PAG1: variants seen among roughly 807,000 people sequenced by gnomAD.
PAG1 encodes the protein phosphoprotein membrane anchor with glycosphingolipid microdomains 1.
Under a neutral mutation model 31.7 loss-of-function variants are expected in PAG1, and 23 were observed. The observed-to-expected ratio is 0.73, with a 90% CI of 0.52 to 1.03. The LOEUF (loss-of-function observed/expected upper bound fraction) is 1.03, where lower values mean the gene tolerates loss of function less well. Ranked by LOEUF, PAG1 falls within the 50% of genes least tolerant of loss-of-function variation. The probability of loss-of-function intolerance (pLI) is 0.00; values close to 1 mark genes in which losing one functional copy is unlikely to be tolerated. For missense variants in PAG1, 473 were observed against 540.7 expected (o/e 0.87, Z 1.24); for synonymous variants, 214 against 210.3 (o/e 1.02, Z -0.15).
chr8:81,067,535 T>C (rs547768318), intron 2 of PAG1: 1 of 152,360 alleles, frequency 6.6e-6, no homozygotes, highest in East Asian at 1.9e-4. Context: ...GCTATTAAAA[T>C]TGACTGATTT....
Position 80,976,376 on chromosome 8 carries a change from C to G in PAG1, c.*168G>C, listed in dbSNP as rs1014925361. 1 of 675,350 alleles carries G rather than the reference C, an allele frequency of 1.5e-6. No homozygotes were observed. Among genetic ancestry groups the G allele is most frequent in the Non-Finnish European group, 2.5e-6 (1 of 407,212 alleles). The allele number at this position is 675,350 out of a possible 1,614,324, so 41.8% of individuals were successfully genotyped here. A position where few individuals can be genotyped will look rare whatever the true frequency, so the allele number is the denominator to read the frequency against. On this transcript the variant is annotated 3_prime_UTR_variant, in exon 9 of 9. Coordinates refer to ENST00000220597, the MANE Select transcript of PAG1 (RefSeq NM_018440.4). ...CAGGTGCAGCCTAGTCCGTACCTCT[C>G]TGTCTCAGAAACTGAACAACTGGGA... is the stretch of plus-strand genomic sequence containing the variant.
intron 8 of PAG1, among the ~76,000 whole-genome samples, chr8:80,979,362 C>T (rs574737385): frequency 3.3e-5 from 5 of 152,068 alleles, no homozygotes; most frequent in African/African-American, 4.8e-5. Flanking sequence ...TAGGGAGGGG[C>T]GGCCGCAGTG....
chr8:81,002,249 A>G (rs1253370455), intron 3 of PAG1, among the ~76,000 whole-genome samples: 2 of 152,206 alleles, frequency 1.3e-5, no homozygotes, highest in African/African-American at 4.8e-5. Context: ...AAAAAAAAAT[A>G]AACTTCAGTT....
intron 3 of PAG1, among the ~76,000 whole-genome samples, chr8:81,007,109 G>A (rs1022982201): frequency 9.2e-5 from 14 of 152,082 alleles, no homozygotes; most frequent in Non-Finnish European, 1.9e-4. Context: ...TATTTTAAAG[G>A]CATTCAACAG....
At chr8:81,044,775 G>C (rs1440276182) in intron 2 of PAG1, among the ~76,000 whole-genome samples, 1 of 152,054 alleles carries the variant, frequency 6.6e-6, no homozygotes, top group Non-Finnish European at 1.5e-5. Flanking sequence ...AAGGCTCTAG[G>C]ATGTTTCCTA....
At chr8:81,100,910 A>C (rs904882625) in intron 1 of PAG1, among the ~76,000 whole-genome samples, 8 of 152,374 alleles carry the variant, frequency 5.3e-5, no homozygotes, top group African/African-American at 1.9e-4. Flanking sequence ...GCCTGTGGCT[A>C]TAAAACAGGC....
Position 81,010,336 on chromosome 8 carries a change from T to C in PAG1, c.-80-17029A>G, listed in dbSNP as rs575852716. ...AACATAAAGACTCAGATTTAGAAGA[T>C]AGGGATTTTGAGCCACACTTTTTTT... On this transcript the variant is annotated intron_variant, in intron 3 of 8. Transcript: ENST00000220597. Among the ~76,000 whole-genome samples, 7 of 152,350 alleles carry C rather than the reference T, an allele frequency of 4.6e-5. No individual in the cohort carries two copies. The South Asian group carries it at 1.0e-3, about 23-fold the overall frequency.
chr8:80,969,564 AG>A lies in PAG1; in HGVS notation c.*6979del, dbSNP rs1311519994. On this transcript the variant is annotated 3_prime_UTR_variant, in exon 9 of 9. Transcript: ENST00000220597. ...CCAAACCAGGACATGACAACAAGAT[AG>A]TTCTGAACTGTAGGCTCTAGGGAGC... is the stretch of plus-strand genomic sequence containing the variant. The A allele has an allele frequency of 1.3e-5, 2 of 152,220 alleles. No homozygotes were observed. The highest frequency in any genetic ancestry group is 4.8e-5 in the African/African-American group (2 of 41,458). 9.4% of individuals were successfully genotyped at this position (152,220 alleles called of 1,614,324 possible).
chr8:81,085,367 G>T (rs1006036697), intron 1 of PAG1, among the ~76,000 whole-genome samples: 1 of 152,104 alleles, frequency 6.6e-6, no homozygotes, highest in Non-Finnish European at 1.5e-5. Context: ...CCAGCAAAAA[G>T]CACCCTAGAA....
intron 5 of PAG1, among the ~76,000 whole-genome samples, chr8:80,988,000 A>G (rs1807461729): frequency 6.6e-6 from 1 of 152,228 alleles, no homozygotes; most frequent in African/African-American, 2.4e-5. Flanking sequence ...CAATAGCCAC[A>G]TGTGGCCAGT....
At chr8:81,035,710 T>G (rs2130810754) in intron 2 of PAG1, among the ~76,000 whole-genome samples, 1 of 152,150 alleles carries the variant, frequency 6.6e-6, no homozygotes, top group South Asian at 2.1e-4. Context: ...TTCTGGATGT[T>G]CTCTTCTAAA....
rs553428324 is a variant in PAG1, at chr8:81,030,861, G to C, written c.-174-772C>G. On this transcript the variant is annotated intron_variant, in intron 2 of 8. Coordinates refer to ENST00000220597, the MANE Select transcript of PAG1 (RefSeq NM_018440.4). ...TAAGACACCATGACAAGTGCAGTAA[G>C]AAAGGGAGGAGGGGAGAGGGACGGA... Among the ~76,000 whole-genome samples the C allele has an allele frequency of 3.9e-5, 6 of 152,332 alleles. No individual in the cohort carries two copies. In the South Asian group the frequency reaches 1.0e-3, roughly 26 times the overall value.
At chr8:81,089,515 C>A (rs898220573) in intron 1 of PAG1, among the ~76,000 whole-genome samples, 13 of 151,934 alleles carry the variant, frequency 8.6e-5, no homozygotes, top group African/African-American at 3.1e-4. Flanking sequence ...TTGCAGTGAG[C>A]TGAGATCGCA....
intron 2 of PAG1, among the ~76,000 whole-genome samples, chr8:81,030,861 G>A (rs553428324): frequency 6.6e-6 from 1 of 152,214 alleles, no homozygotes; most frequent in South Asian, 2.1e-4. Context: ...AGTGCAGTAA[G>A]AAAGGGAGGA....
intron 1 of PAG1, among the ~76,000 whole-genome samples, chr8:81,110,322 C>G (rs1809754221): frequency 6.6e-6 from 1 of 152,098 alleles, no homozygotes; most frequent in South Asian, 2.1e-4. Flanking sequence ...CCAAATATTC[C>G]TCTTATTTAT....
intron 2 of PAG1, among the ~76,000 whole-genome samples, chr8:81,034,419 G>A (rs928743776): frequency 6.6e-6 from 1 of 152,202 alleles, no homozygotes; most frequent in African/African-American, 2.4e-5. Flanking sequence ...GGCTGCTCAT[G>A]ACTGGCATAC....
intron 2 of PAG1, among the ~76,000 whole-genome samples, chr8:81,061,902 T>C (rs1055537136): frequency 8.5e-5 from 13 of 152,132 alleles, no homozygotes; most frequent in African/African-American, 3.1e-4. Flanking sequence ...ATAAAAGCCA[T>C]CTTTCATGGG....
chr8:81,002,464 C>T (rs372523052), intron 3 of PAG1, among the ~76,000 whole-genome samples: 19 of 152,322 alleles, frequency 1.2e-4, no homozygotes, highest in African/African-American at 3.9e-4. Context: ...GAAAAGTAAA[C>T]CCTCAAGACT....
At chr8:81,090,310 G>C (rs1179874863) in intron 1 of PAG1, among the ~76,000 whole-genome samples, 1 of 152,168 alleles carries the variant, frequency 6.6e-6, no homozygotes, top group East Asian at 1.9e-4. Context: ...GCCAGACTCT[G>C]TTCTGATGCT....
Sources: gnomAD v4.1 joint callset for allele counts (sites outside exome capture counted in the v4.1 genomes callset) on GRCh38, gnomAD v4.1.1 for gene constraint, MANE v1.5 for transcripts, NCBI Gene and HGNC (gene_info 2026-07-23, HGNC 2026-07-21) for gene names.